Variants in NCALD observed in about 807,000 individuals in gnomAD.
NCALD encodes the protein neurocalcin-delta.
A neutral mutation model predicts 18.6 loss-of-function variants in NCALD; 10 were observed. The observed-to-expected ratio is 0.54, with a 90% CI of 0.33 to 0.91. NCALD has a LOEUF of 0.91. NCALD is among the 40% of genes least tolerant of loss of function. The probability of loss-of-function intolerance (pLI) is 0.03; values close to 1 mark genes in which losing one functional copy is unlikely to be tolerated. For synonymous variants in NCALD, 88 were observed against 87.4 expected (o/e 1.01, Z -0.04); for missense variants, 184 against 247.6 (o/e 0.74, Z 1.72).
chr8:101,942,480 T>C (rs755260102), intron 2 of NCALD, among the ~76,000 whole-genome samples: 8 of 152,130 alleles, frequency 5.3e-5, no homozygotes, highest in Non-Finnish European at 1.2e-4. Flanking sequence ...GTATAATCAA[T>C]ATACTAGGAG....
chr8:102,058,143 A>G (rs1276327106), intron 1 of NCALD, among the ~76,000 whole-genome samples: 1 of 152,244 alleles, frequency 6.6e-6, no homozygotes, highest in East Asian at 1.9e-4. Flanking sequence ...AAGAATGAGG[A>G]CACAGGTCAA....
intron 4 of NCALD, among the ~76,000 whole-genome samples, chr8:101,799,517 C>G: frequency 6.6e-6 from 1 of 152,184 alleles, no homozygotes; most frequent in Non-Finnish European, 1.5e-5. Context: ...AACTGGGAAC[C>G]ACCCAGAGGC....
intron 2 of NCALD, among the ~76,000 whole-genome samples, chr8:101,955,989 A>C (rs963211654): frequency 5.9e-5 from 9 of 152,230 alleles, no homozygotes; most frequent in Non-Finnish European, 1.0e-4. Context: ...ACAGAGAAAG[A>C]AAGCAACAGA....
chr8:101,786,458 G>A (rs1403609587), intron 1 of NCALD, among the ~76,000 whole-genome samples: 1 of 152,096 alleles, frequency 6.6e-6, no homozygotes, highest in East Asian at 1.9e-4. Context: ...ATAGGACGGG[G>A]AAACTTTTGT....
intron 4 of NCALD, among the ~76,000 whole-genome samples, chr8:101,801,895 T>C (rs1232286512): frequency 3.9e-5 from 6 of 152,036 alleles, no homozygotes; most frequent in Non-Finnish European, 8.8e-5. Context: ...CTCCATCTCC[T>C]GACCTCGTGA....
chr8:101,918,265 T>C (rs1017991386), intron 2 of NCALD, among the ~76,000 whole-genome samples: 2 of 152,128 alleles, frequency 1.3e-5, no homozygotes, highest in African/African-American at 4.8e-5. Flanking sequence ...AAAAAGTTTT[T>C]GATAAAATCC....
rs569658127 is a variant in NCALD, at chr8:101,755,324, ATTCCCGT to A, written c.-20+35531_-20+35537del. 2.5e-3 allele frequency among the ~76,000 whole-genome samples: 377 copies of A among 152,294 alleles called. 2 individuals are homozygous for A. Among genetic ancestry groups the A allele is most frequent in the African/African-American group, 8.8e-3 (364 of 41,560 alleles). On this transcript the variant is annotated intron_variant, in intron 1 of 3. Transcript: ENST00000220931. ...AATGTTCCTTTTTACTCTCAGAAGT[ATTCCCGT>A]TTGGACAATCAATTATATAGTCACC... is the stretch of plus-strand genomic sequence containing the variant.
At chr8:101,778,354 T>C (rs548670165) in intron 1 of NCALD, among the ~76,000 whole-genome samples, 2 of 152,210 alleles carry the variant, frequency 1.3e-5, no homozygotes, top group South Asian at 2.1e-4. Flanking sequence ...ATAAATATGA[T>C]TGGGCCAGTC....
In NCALD at chr8:101,760,531, CT is replaced by C. The variant is rs553001092; in HGVS notation, c.-20+30330del. On this transcript the variant is annotated intron_variant, in intron 1 of 3. Coordinates refer to ENST00000220931, the MANE Select transcript of NCALD (RefSeq NM_032041.3). ...AGGTTCCCAGAGAGCGTCTGGCTGT[CT>C]TAACTAAATGCAGCAAACCTCTTGC... Among the ~76,000 whole-genome samples the C allele has an allele frequency of 3.2e-4, 49 of 152,306 alleles. No individual in the cohort carries two copies. In the East Asian group the frequency reaches 8.7e-3, roughly 27 times the overall value.
chr8:102,029,102 G>T (rs1822569146), intron 1 of NCALD: 1 of 152,216 alleles, frequency 6.6e-6, no homozygotes, highest in Non-Finnish European at 1.5e-5. Flanking sequence ...GATCTCTGCA[G>T]ATAGAGATAG....
intron 1 of NCALD, among the ~76,000 whole-genome samples, chr8:101,731,328 T>G (rs1816823048): frequency 6.6e-6 from 1 of 152,194 alleles, no homozygotes; most frequent in Non-Finnish European, 1.5e-5. Flanking sequence ...TGCAGGGTTT[T>G]TAGCAGATAG....
At position 101,694,609 on chromosome 8, in the gene NCALD, G is replaced by A. The variant is rs191821418; in HGVS notation, c.379-1713C>T. 1.8e-3 allele frequency among the ~76,000 whole-genome samples: 269 copies of A among 152,230 alleles called. 1 individual carries two copies. The highest frequency in any genetic ancestry group is 3.0e-3 in the Non-Finnish European group (202 of 67,990). ...AGGTAAAGCGCAGAGTTAGGGTGCT[G>A]TCTAGGATTATGGGTGTCCCTGGGG... On this transcript the variant is annotated intron_variant, in intron 2 of 3. Coordinates refer to ENST00000220931, the MANE Select transcript of NCALD (RefSeq NM_032041.3).
chr8:102,103,023 A>G (rs1825337348), intron 1 of NCALD, among the ~76,000 whole-genome samples: 1 of 152,266 alleles, frequency 6.6e-6, no homozygotes, highest in Non-Finnish European at 1.5e-5. Flanking sequence ...GTATCCTGGG[A>G]AACATATTGT....
At chr8:101,797,892 C>G (rs1195581858) in intron 4 of NCALD, among the ~76,000 whole-genome samples, 1 of 150,484 alleles carries the variant, frequency 6.6e-6, no homozygotes, top group Admixed American at 6.6e-5. Flanking sequence ...AAATAAGAAA[C>G]AGAGCTTCTG....
intron 4 of NCALD, among the ~76,000 whole-genome samples, chr8:101,881,102 A>G (rs894964941): frequency 2.0e-5 from 3 of 152,218 alleles, no homozygotes; most frequent in African/African-American, 7.2e-5. Flanking sequence ...GAGGTAAAAG[A>G]TAACAGTAAA....
At chr8:101,808,304 T>C (rs1391842365) in intron 4 of NCALD, among the ~76,000 whole-genome samples, 1 of 152,168 alleles carries the variant, frequency 6.6e-6, no homozygotes, top group African/African-American at 2.4e-5. Flanking sequence ...ATTGTGGAAC[T>C]ACTCTAACTG....
chr8:101,899,734 T>A (rs1190193726), intron 3 of NCALD, among the ~76,000 whole-genome samples: 3 of 146,138 alleles, frequency 2.1e-5, no homozygotes, highest in Non-Finnish European at 4.5e-5. Context: ...AATATATGGT[T>A]ATGGCATATA....
intron 4 of NCALD, among the ~76,000 whole-genome samples, chr8:101,800,036 A>G (rs2131070230): frequency 6.6e-6 from 1 of 152,332 alleles, no homozygotes; most frequent in Admixed American, 6.5e-5. Flanking sequence ...GTGAGATAAA[A>G]TATTTTCAGT....
intron 1 of NCALD, among the ~76,000 whole-genome samples, chr8:102,036,160 A>G (rs1822858006): frequency 6.6e-6 from 1 of 151,708 alleles, no homozygotes; most frequent in Admixed American, 6.6e-5. Flanking sequence ...TTAATTAATT[A>G]AATTAGCCAG....
Sources: allele counts gnomAD v4.1 joint callset (sites outside exome capture counted in the v4.1 genomes callset), GRCh38; gene constraint gnomAD v4.1.1; transcripts MANE v1.5; gene names NCBI Gene and HGNC (gene_info 2026-07-23, HGNC 2026-07-21).